Variants in YY1AP1 observed in about 807,000 individuals in gnomAD.
YY1AP1 encodes YY1-associated protein 1.
In YY1AP1, 43 loss-of-function variants were observed where a neutral mutation model predicts 39.9. The observed-to-expected ratio is 1.08, with a 90% CI of 0.84 to 1.39. The LOEUF (loss-of-function observed/expected upper bound fraction) is 1.39, where lower values mean the gene tolerates loss of function less well. Ranked by LOEUF, YY1AP1 falls within the 40% of genes most tolerant of loss-of-function variation. YY1AP1 has a pLI of 0.00. For missense variants in YY1AP1, 813 were observed against 900.7 expected (o/e 0.90, Z 1.25); for synonymous variants, 292 against 331.3 (o/e 0.88, Z 1.29).
upstream of YY1AP1, chr1:155,688,883 T>G: frequency 6.2e-7 from 1 of 1,611,288 alleles, no homozygotes; most frequent in Non-Finnish European, 8.5e-7. Flanking sequence ...GGCTTGCCGT[T>G]TGACTGGAAT....
intron 3 of YY1AP1, 44 bp from the exon 4 acceptor site, chr1:155,679,556 T>C (rs773075696): frequency 6.8e-6 from 11 of 1,613,730 alleles, no homozygotes; most frequent in South Asian, 6.6e-5. Context: ...GAATGGGCTT[T>C]TGAATGTTGC....
intron 8 of YY1AP1, among the ~76,000 whole-genome samples, chr1:155,669,485 A>T (rs1450400101): frequency 6.6e-6 from 1 of 152,224 alleles, no homozygotes; most frequent in Admixed American, 6.5e-5. Context: ...AAGAGAAACT[A>T]GTCATAAATC....
chr1:155,688,169 C>T lies in YY1AP1; in HGVS notation c.-119G>A, dbSNP rs1652829265. 6.2e-7 allele frequency: 1 copy of T among 1,614,004 alleles called. No homozygotes were observed. Among genetic ancestry groups the T allele is most frequent in the Non-Finnish European group, 8.5e-7 (1 of 1,179,978 alleles). On this transcript the variant is annotated 5_prime_UTR_variant, in exon 2 of 11. Transcript: ENST00000355499. ...CCCTGGGTCCACCGCGGATCCCTCC[C>T]GCTTGTCAGGAGGCGGCCAGCGGGT... is the stretch of plus-strand genomic sequence containing the variant.
chr1:155,665,513 T>A (rs1013745218), intron 9 of YY1AP1, among the ~76,000 whole-genome samples: 16 of 151,506 alleles, frequency 1.1e-4, no homozygotes, highest in African/African-American at 3.9e-4. Flanking sequence ...GCAGGAGAAT[T>A]GCTTGAACCC....
chr1:155,687,945 C>G, intron 2 of YY1AP1, 126 bp downstream of exon 2: 1 of 1,119,674 alleles, frequency 8.9e-7, no homozygotes, highest in Non-Finnish European at 1.3e-6. Context: ...TCTCCCCTCC[C>G]CCATCTTCAC....
intron 6 of YY1AP1, 65 bp downstream of exon 6, chr1:155,674,945 A>T: frequency 7.0e-7 from 1 of 1,438,096 alleles, no homozygotes; most frequent in Non-Finnish European, 9.8e-7. Context: ...AATAACTGTG[A>T]GAAATAACCT....
intron 9 of YY1AP1, among the ~76,000 whole-genome samples, chr1:155,663,668 A>C (rs1052122829): frequency 6.6e-6 from 1 of 150,684 alleles, no homozygotes; most frequent in Non-Finnish European, 1.5e-5. Flanking sequence ...CCAGTGAGCC[A>C]AGATCACGCC....
At chr1:155,688,377 T>G (rs781498469) in intron 1 of YY1AP1, 176 bp from the exon 2 acceptor site, 2 of 1,544,112 alleles carry the variant, frequency 1.3e-6, no homozygotes, top group South Asian at 1.2e-5. Context: ...GGGAGGGAGC[T>G]AAGGGCGCCT....
At chr1:155,680,669 C>T (rs1004430794) in intron 2 of YY1AP1, among the ~76,000 whole-genome samples, 1 of 152,150 alleles carries the variant, frequency 6.6e-6, no homozygotes, top group East Asian at 1.9e-4. Flanking sequence ...CAGGCTCAAG[C>T]GATCCTCCCA....
intron 2 of YY1AP1, 39 bp downstream of exon 2, chr1:155,688,032 T>C (rs377642526): frequency 3.3e-6 from 5 of 1,529,582 alleles, no homozygotes; most frequent in Non-Finnish European, 4.4e-6. Flanking sequence ...GCTGAGAGAG[T>C]GCTTAGGCCC....
At chr1:155,672,339 T>C (rs1230582034) in intron 7 of YY1AP1, 19 of 666,972 alleles carry the variant, frequency 2.8e-5, no homozygotes, top group Non-Finnish European at 4.8e-5. Context: ...ATTCCTATAC[T>C]GTCCACTGCC....
chr1:155,680,492 A>T (rs932887549), intron 2 of YY1AP1, 36 bp from the exon 3 acceptor site: 1 of 1,577,014 alleles, frequency 6.3e-7, no homozygotes, highest in African/African-American at 1.3e-5. Flanking sequence ...TATAAATTAG[A>T]TTCATTTTAC....
intron 9 of YY1AP1, among the ~76,000 whole-genome samples, chr1:155,665,784 CAA>C (rs58155011): frequency 0.043 from 1,516 of 34,860 alleles, 10 homozygotes; most frequent in African/African-American, 0.12. Context: ...CTCTGTGTCT[CAA>C]AAAAAAAAAA....
At chr1:155,667,401 G>T (rs893659345) in intron 9 of YY1AP1, among the ~76,000 whole-genome samples, 2 of 152,022 alleles carry the variant, frequency 1.3e-5, no homozygotes, top group African/African-American at 2.4e-5. Flanking sequence ...CTACTTGGAA[G>T]GCTGAAGTGG....
intron 6 of YY1AP1, chr1:155,674,545 G>T: frequency 6.4e-6 from 1 of 157,386 alleles, no homozygotes; most frequent in Non-Finnish European, 1.4e-5. Flanking sequence ...CAGAAGGACA[G>T]GCCAGGCGCA....
At chr1:155,666,276 C>CACGCCCAGCCGGTTTT in intron 9 of YY1AP1, among the ~76,000 whole-genome samples, 1 of 152,222 alleles carries the variant, frequency 6.6e-6, no homozygotes, top group Admixed American at 6.5e-5. Flanking sequence ...CGCCCGCCAC[C>CACGCCCAGCCGGTTTT]ACGCCCAGCC....
intron 2 of YY1AP1, among the ~76,000 whole-genome samples, chr1:155,683,246 T>C (rs1231521495): frequency 6.6e-6 from 1 of 152,162 alleles, no homozygotes; most frequent in East Asian, 1.9e-4. Context: ...GGGATCTTGT[T>C]TTGTCCATCA....
In YY1AP1 at chr1:155,659,838, CCTT is replaced by C. The variant is rs1558294397; in HGVS notation, c.2069_2071del (p.Glu690del). 6.2e-7 allele frequency: 1 copy of C among 1,614,230 alleles called. No homozygotes were observed. Among genetic ancestry groups the C allele is most frequent in the East Asian group, 2.2e-5 (1 of 44,890 alleles). On this transcript the variant is annotated inframe_deletion, in exon 11 of 11. Transcript: ENST00000355499. ...GCGATAGGCACTGTTCTCTGACAAT[CCTT>C]CTTGGCACTGTTTATCGACTGGTGG...
chr1:155,681,944 C>G (rs1380820305), intron 2 of YY1AP1, among the ~76,000 whole-genome samples: 1 of 151,402 alleles, frequency 6.6e-6, no homozygotes, highest in Non-Finnish European at 1.5e-5. Context: ...CTCATCCTCC[C>G]AAAGTGCTGG....
Sources: gnomAD v4.1 joint callset for allele counts (sites outside exome capture counted in the v4.1 genomes callset) on GRCh38, gnomAD v4.1.1 for gene constraint, MANE v1.5 for transcripts, NCBI Gene and HGNC (gene_info 2026-07-23, HGNC 2026-07-21) for gene names.